The following ABI3BP variants were observed in gnomAD, a reference collection of about 807,000 sequenced individuals.
ABI3BP encodes target of Nesh-SH3.
ABI3BP carries 216 observed loss-of-function variants against 268.6 expected under a neutral mutation model. That is an observed-to-expected ratio of 0.80 (90% confidence interval 0.72 to 0.90). The LOEUF is 0.90. ABI3BP is among the 40% of genes least tolerant of loss of function. ABI3BP has a pLI of 0.00. For missense variants in ABI3BP, 2,090 were observed against 2,182.4 expected (o/e 0.96, Z 0.84); for synonymous variants, 730 against 730.0 (o/e 1.00, Z 0.00).
intron 1 of ABI3BP, chr3:100,945,775 C>T (rs1406738672): frequency 3.3e-6 from 1 of 305,248 alleles, no homozygotes; most frequent in African/African-American, 2.2e-5. Flanking sequence ...AATAGTGCTG[C>T]TATAAAATTT....
At chr3:100,852,530 A>G (rs926341489) in intron 14 of ABI3BP, among the ~76,000 whole-genome samples, 1 of 152,188 alleles carries the variant, frequency 6.6e-6, no homozygotes, top group Non-Finnish European at 1.5e-5. Flanking sequence ...CATTTTTTAG[A>G]TAACCAAGTT....
At chr3:100,969,019 G>A (rs1432806765) in intron 1 of ABI3BP, among the ~76,000 whole-genome samples, 1 of 152,174 alleles carries the variant, frequency 6.6e-6, no homozygotes. Flanking sequence ...ACCTGTAGAA[G>A]GAGTAATCTG....
chr3:100,937,914 C>CAT (rs991619392), intron 1 of ABI3BP, among the ~76,000 whole-genome samples: 34 of 152,086 alleles, frequency 2.2e-4, no homozygotes, highest in Middle Eastern at 6.8e-3. Context: ...TAGTATATGA[C>CAT]ATAGATTGTA....
At chr3:100,925,853 GA>G (rs2061641580) in intron 2 of ABI3BP, among the ~76,000 whole-genome samples, 1 of 33,570 alleles carries the variant, frequency 3.0e-5, no homozygotes, top group South Asian at 1.6e-3. Flanking sequence ...ATAATACATA[GA>G]AAAACTTTAA....
At chr3:100,805,637 T>G (rs1272927909) in intron 50 of ABI3BP, among the ~76,000 whole-genome samples, 2 of 152,020 alleles carry the variant, frequency 1.3e-5, no homozygotes, top group African/African-American at 4.8e-5. Context: ...TGTGACATAA[T>G]CTGCTTGAGG....
intron 9 of ABI3BP, among the ~76,000 whole-genome samples, chr3:100,867,281 A>C (rs1354902421): frequency 6.6e-6 from 1 of 152,164 alleles, no homozygotes; most frequent in African/African-American, 2.4e-5. Flanking sequence ...TGGAAGGCAT[A>C]GGTTGTATTG....
At chr3:100,819,001 T>A (rs1210655728) in intron 40 of ABI3BP, among the ~76,000 whole-genome samples, 1 of 152,166 alleles carries the variant, frequency 6.6e-6, no homozygotes, top group Non-Finnish European at 1.5e-5. Context: ...TAGCAAAGAA[T>A]AAAGCAAAGT....
At chr3:100,954,067 C>T (rs922727636) in intron 1 of ABI3BP, among the ~76,000 whole-genome samples, 3 of 152,148 alleles carry the variant, frequency 2.0e-5, no homozygotes, top group Non-Finnish European at 4.4e-5. Context: ...ATACAGTGAC[C>T]TCTAGGCATT....
rs754033146 is a variant in ABI3BP at position 100,840,197 on chromosome 3, A to T, written c.1805-33T>A. ...AAGAAAATTAGCAAGTTAATACAAGAAGGGTGGATTTACAAACTGATGATA... is the reference window on the plus strand; with the variant it reads ...AAGAAAATTAGCAAGTTAATACAAGTAGGGTGGATTTACAAACTGATGATA... On this transcript the variant is annotated intron_variant, in intron 22 of 67. Coordinates refer to ENST00000471714, the MANE Select transcript of ABI3BP (RefSeq NM_001375547.2). 8 of 1,462,300 alleles carry T rather than the reference A, an allele frequency of 5.5e-6. No individual in the cohort carries two copies. In the South Asian group the frequency reaches 1.0e-4, roughly 18 times the overall value. The allele number at this position is 1,462,300 out of a possible 1,614,324, so 90.6% of individuals were successfully genotyped here. A position where few individuals can be genotyped will look rare whatever the true frequency, so the allele number is the denominator to read the frequency against.
At chr3:100,837,878 T>C (rs560355914) in intron 26 of ABI3BP, among the ~76,000 whole-genome samples, 1 of 152,336 alleles carries the variant, frequency 6.6e-6, no homozygotes, top group East Asian at 1.9e-4. Context: ...CAGCCTTCTG[T>C]GTGTACTAAC....
intron 1 of ABI3BP, among the ~76,000 whole-genome samples, chr3:100,946,900 A>G (rs1238595431): frequency 6.6e-6 from 1 of 152,192 alleles, no homozygotes; most frequent in African/African-American, 2.4e-5. Flanking sequence ...GGCTATACTA[A>G]TTATGTGAAT....
At chr3:100,858,844 G>T (rs2098966164) in intron 14 of ABI3BP, among the ~76,000 whole-genome samples, 1 of 152,106 alleles carries the variant, frequency 6.6e-6, no homozygotes, top group Non-Finnish European at 1.5e-5. Flanking sequence ...ACAAAAACAT[G>T]AACATCACCC....
At chr3:100,918,142 A>T (rs1583329262) in intron 2 of ABI3BP, among the ~76,000 whole-genome samples, 1 of 152,190 alleles carries the variant, frequency 6.6e-6, no homozygotes, top group Non-Finnish European at 1.5e-5. Flanking sequence ...TGGTAAATCT[A>T]TTTCCAAAGA....
At chr3:100,951,624 G>A (rs1293296278) in intron 1 of ABI3BP, among the ~76,000 whole-genome samples, 1 of 151,898 alleles carries the variant, frequency 6.6e-6, no homozygotes, top group Non-Finnish European at 1.5e-5. Context: ...TACCATCTAT[G>A]ATGTGTCACA....
chr3:100,919,818 A>T (rs1206391314), intron 2 of ABI3BP, among the ~76,000 whole-genome samples: 9 of 152,182 alleles, frequency 5.9e-5, no homozygotes, highest in Admixed American at 5.9e-4. Context: ...GAGATGACAG[A>T]CTTTTCCAGG....
At chr3:100,751,709 TTTC>T in intron 66 of ABI3BP, 35 bp from the exon 67 acceptor site, 1 of 1,543,010 alleles carries the variant, frequency 6.5e-7, no homozygotes, top group Non-Finnish European at 8.8e-7. Context: ...TAAAGTTTAC[TTTC>T]TTACTTTGAA....
At chr3:100,782,352 T>C (rs1221291769) in intron 57 of ABI3BP, among the ~76,000 whole-genome samples, 1 of 152,184 alleles carries the variant, frequency 6.6e-6, no homozygotes, top group Non-Finnish European at 1.5e-5. Flanking sequence ...CCTCTTTTTT[T>C]TTTATCCAGG....
chr3:100,894,246 A>T (rs1223639518), intron 4 of ABI3BP, among the ~76,000 whole-genome samples: 1 of 152,224 alleles, frequency 6.6e-6, no homozygotes, highest in East Asian at 1.9e-4. Flanking sequence ...TGGGACAATG[A>T]TACTACTTTA....
At position 100,885,582 on chromosome 3, in the gene ABI3BP, T is replaced by A; in HGVS notation, c.650A>T (p.Lys217Ile). The stretch of plus-strand genomic sequence containing the variant: ...GGTACTTTGGATTTTCCCATTTACT[T>A]TTTTACCTGATGAAACAAGGGAAAA... ...FNHKTVVGSK[K>I]VNGKIQSTYD... The change falls in exon 6 of 68, where the codon AAA becomes ATA. Residue 217 changes from lysine to isoleucine, a missense_variant. Physicochemically the swap from Lys to Ile is moderately radical, Grantham distance 102. Coordinates refer to ENST00000471714, the MANE Select transcript of ABI3BP (RefSeq NM_001375547.2). The A allele has an allele frequency of 1.3e-6, 2 of 1,550,420 alleles. No homozygotes were observed. The highest frequency in any genetic ancestry group is 2.4e-5 in the South Asian group (2 of 83,844).
Sources: gnomAD v4.1 joint callset for allele counts (sites outside exome capture counted in the v4.1 genomes callset) on GRCh38, gnomAD v4.1.1 for gene constraint, MANE v1.5 for transcripts, NCBI Gene and HGNC (gene_info 2026-07-23, HGNC 2026-07-21) for gene names.